RYR2: variants seen among roughly 807,000 people sequenced by gnomAD.
RYR2 encodes cardiac muscle ryanodine receptor-calcium release channel.
Under a neutral mutation model 601.1 loss-of-function variants are expected in RYR2, and 227 were observed. The observed-to-expected ratio is 0.38, with a 90% CI of 0.34 to 0.42. RYR2 has a LOEUF of 0.42. RYR2 is among the 10% of genes least tolerant of loss of function. The pLI is 1.00. For missense variants in RYR2, 4,646 were observed against 6,156.5 expected (o/e 0.75, Z 8.21); for synonymous variants, 2,223 against 2,175.1 (o/e 1.02, Z -0.61).
chr1:237,380,414 A>G (rs1701402679), intron 8 of RYR2, among the ~76,000 whole-genome samples: 1 of 47,120 alleles, frequency 2.1e-5, no homozygotes, highest in African/African-American at 6.9e-5. Context: ...ATATATATAT[A>G]TATATATAGT....
intron 3 of RYR2, among the ~76,000 whole-genome samples, chr1:237,341,220 T>A (rs1275823073): frequency 6.6e-6 from 1 of 152,200 alleles, no homozygotes; most frequent in Non-Finnish European, 1.5e-5. Flanking sequence ...TAGAAAAAAT[T>A]TTCATTTGTA....
intron 85 of RYR2, among the ~76,000 whole-genome samples, 197 bp downstream of exon 85, chr1:237,771,084 A>G (rs1694234146): frequency 6.6e-6 from 1 of 152,066 alleles, no homozygotes; most frequent in African/African-American, 2.4e-5. Context: ...TATCCATTTC[A>G]CTTGAGTCTT....
chr1:237,202,341 G>A (rs530586707), intron 1 of RYR2, among the ~76,000 whole-genome samples: 1 of 152,128 alleles, frequency 6.6e-6, no homozygotes, highest in South Asian at 2.1e-4. Context: ...AGATTTGATG[G>A]TCACTTAGCA....
chr1:237,792,349 CTGTGTGTGTGTGTG>C lies in RYR2; in HGVS notation c.13782+45_13782+58del, dbSNP rs34337859. The C allele has an allele frequency of 1.6e-4, 114 of 705,926 alleles. 1 individual carries two copies. In the Middle Eastern group the frequency reaches 2.3e-3, roughly 14 times the overall value. The allele number at this position is 705,926 out of a possible 1,614,324, so 43.7% of individuals were successfully genotyped here. On this transcript the variant is annotated intron_variant, in intron 94 of 104. Coordinates refer to ENST00000366574, the MANE Select transcript of RYR2 (RefSeq NM_001035.3). ...GTAAGATAGTAAGGCACCAAGGTAC[CTGTGTGTGTGTGTG>C]TGTGTGTGTGTGTGTGTGCGTGTGT...
chr1:237,056,018 G>A (rs766693326), intron 1 of RYR2, among the ~76,000 whole-genome samples: 10 of 151,616 alleles, frequency 6.6e-5, no homozygotes, highest in Non-Finnish European at 1.2e-4. Context: ...CTGCACCTGT[G>A]AGGACTGGAG....
intron 60 of RYR2, among the ~76,000 whole-genome samples, chr1:237,677,155 A>C (rs2148922098): frequency 6.6e-6 from 1 of 152,246 alleles, no homozygotes; most frequent in African/African-American, 2.4e-5. Context: ...TCAAGTTATT[A>C]TTATTATATT....
At position 237,634,916 on chromosome 1, in the gene RYR2, C is replaced by T. The variant is rs1680720163; in HGVS notation, c.6716C>T (p.Pro2239Leu). Reference protein sequence around the residue: ...LASPAMRGSTPLDVAAASVMD... With the variant: ...LASPAMRGSTLLDVAAASVMD... ...TCCCCAGCTATGAGAGGTTCAACAC[C>T]ACTGGATGTGGCTGCAGCTTCGGTG... The change falls in exon 44 of 105, where the codon CCA becomes CTA. Residue 2239 changes from proline to leucine, a missense_variant. Physicochemically the swap from Pro to Leu is moderately conservative, Grantham distance 98. Coordinates refer to ENST00000366574, the MANE Select transcript of RYR2 (RefSeq NM_001035.3). 6.2e-7 allele frequency: 1 copy of T among 1,609,342 alleles called. No individual in the cohort carries two copies. The highest frequency in any genetic ancestry group is 1.1e-5 in the South Asian group (1 of 89,520).
intron 1 of RYR2, among the ~76,000 whole-genome samples, chr1:237,257,121 G>T (rs1451825794): frequency 6.6e-6 from 1 of 152,138 alleles, no homozygotes; most frequent in Non-Finnish European, 1.5e-5. Context: ...ACTGTACTTT[G>T]TCTTTTAATG....
In RYR2 at chr1:237,784,747, T is replaced by A. The variant is rs746030676; in HGVS notation, c.13035T>A (p.Asp4345Glu). The A allele has an allele frequency of 1.2e-6, 2 of 1,601,928 alleles. No individual in the cohort carries two copies. Among genetic ancestry groups the A allele is most frequent in the South Asian group, 2.2e-5 (2 of 89,664 alleles). ...CCACTCAGGATGAGGTTAGAGGAGA[T>A]GGGGAGGAGGGAGAGAGGAAACCCC... ...PDPTQDEVRG[D>E]GEEGERKPLE... The change falls in exon 90 of 105, where the codon GAT (aspartate) becomes GAA (glutamate). Residue 4345 changes from aspartate (D) to glutamate (E), a missense_variant. Physicochemically the swap from Asp to Glu is conservative, Grantham distance 45. Coordinates refer to ENST00000366574, the MANE Select transcript of RYR2 (RefSeq NM_001035.3). This position sits in a 1 kb window ranked among gnomAD's most constrained non-coding sequence, Gnocchi z 7.1.
intron 80 of RYR2, among the ~76,000 whole-genome samples, chr1:237,744,459 C>A (rs1691892565): frequency 6.6e-6 from 1 of 151,584 alleles, no homozygotes; most frequent in African/African-American, 2.4e-5. Flanking sequence ...AGTTTGAGAC[C>A]AGCCTGGCCA....
chr1:237,454,538 A>G lies in RYR2; in HGVS notation c.1440A>G (p.Arg480=). 6.2e-7 allele frequency: 1 copy of G among 1,613,402 alleles called. No individual in the cohort carries two copies. Among genetic ancestry groups the G allele is most frequent in the East Asian group, 2.2e-5 (1 of 44,800 alleles). The change falls in exon 15 of 105, where the codon CGA becomes CGG. Residue 480 remains arginine, a synonymous_variant. Transcript: ENST00000366574. ...LEHEDKQNRL[R]ALKNRQNLFQ... is the part of the protein sequence containing the mutation. ...ATGAAGACAAACAGAACAGACTACG[A>G]GCCCTGAAGAATCGGCAAAATCTCT...
chr1:237,700,593 T>C lies in RYR2; in HGVS notation c.9367+126T>C, dbSNP rs1225705743. The C allele has an allele frequency of 2.9e-5, 18 of 610,390 alleles. No individual in the cohort carries two copies. In the East Asian group the frequency reaches 5.0e-4, roughly 17 times the overall value. The allele number at this position is 610,390 out of a possible 1,614,324, so 37.8% of individuals were successfully genotyped here. On this transcript the variant is annotated intron_variant, in intron 65 of 104. Coordinates refer to ENST00000366574, the MANE Select transcript of RYR2 (RefSeq NM_001035.3). ...TTTACATGTTAAAATGCCTTTTTTA[T>C]TGCAAAACGTTATAGGTTGACATTT...
chr1:237,526,029 G>T (rs2997979), intron 24 of RYR2, among the ~76,000 whole-genome samples: 1 of 151,598 alleles, frequency 6.6e-6, no homozygotes, highest in Non-Finnish European at 1.5e-5. Context: ...CCTTTGGGTA[G>T]GTATCCAGTT....
chr1:237,627,990 T>C lies in RYR2; in HGVS notation c.6350T>C (p.Ile2117Thr). ...AATGGTGTGTCCGTGGAGGACACCATCAACCTGCTGGCATCCCTTGGTCAG... is the reference window on the plus strand; with the variant it reads ...AATGGTGTGTCCGTGGAGGACACCACCAACCTGCTGGCATCCCTTGGTCAG... ...TINGVSVEDT[I>T]NLLASLGQIR... The change falls in exon 41 of 105, where the codon ATC (isoleucine) becomes ACC (threonine). Residue 2117 changes from isoleucine to threonine, a missense_variant. Physicochemically the swap from Ile to Thr is moderately conservative, Grantham distance 89. Transcript: ENST00000366574. 1 of 1,613,888 alleles carries C rather than the reference T, an allele frequency of 6.2e-7. No homozygotes were observed. Among genetic ancestry groups the C allele is most frequent in the Non-Finnish European group, 8.5e-7 (1 of 1,179,870 alleles).
At chr1:237,045,242 T>C (rs1294379375) in intron 1 of RYR2, among the ~76,000 whole-genome samples, 2 of 152,212 alleles carry the variant, frequency 1.3e-5, no homozygotes, top group African/African-American at 4.8e-5. Context: ...CACAGAAAGC[T>C]TTTTTGCTTT....
At chr1:237,090,868 A>G (rs1171236057) in intron 1 of RYR2, among the ~76,000 whole-genome samples, 1 of 152,248 alleles carries the variant, frequency 6.6e-6, no homozygotes, top group African/African-American at 2.4e-5. Context: ...TTGGCATGAA[A>G]GTTAAAGGTT....
At chr1:237,104,606 G>A (rs1027173810) in intron 1 of RYR2, among the ~76,000 whole-genome samples, 5 of 152,260 alleles carry the variant, frequency 3.3e-5, no homozygotes, top group South Asian at 4.1e-4. Flanking sequence ...CTACTGGTTT[G>A]TCAGTCACTT....
intron 19 of RYR2, 84 bp from the exon 20 acceptor site, chr1:237,496,427 C>T (rs1664078917): frequency 6.4e-7 from 1 of 1,555,656 alleles, no homozygotes; most frequent in Non-Finnish European, 8.8e-7. Context: ...AAATGAAATA[C>T]ACAAGTGAAA....
intron 63 of RYR2, among the ~76,000 whole-genome samples, chr1:237,698,132 G>A (rs1687659582): frequency 6.6e-6 from 1 of 151,570 alleles, no homozygotes; most frequent in South Asian, 2.1e-4. Flanking sequence ...GTGTGTGTGT[G>A]TGTGTGTGTG....
Sources: allele counts gnomAD v4.1 joint callset (sites outside exome capture counted in the v4.1 genomes callset), GRCh38; gene constraint gnomAD v4.1.1; non-coding constraint Gnocchi (gnomAD v3.1); transcripts MANE v1.5; gene names NCBI Gene and HGNC (gene_info 2026-07-23, HGNC 2026-07-21).